Variants in LRRC37A observed in about 807,000 individuals in gnomAD.
The protein encoded by LRRC37A is leucine rich repeat containing 37A, also known as leucine-rich repeat-containing protein 37A.
A neutral mutation model predicts 35.4 loss-of-function variants in LRRC37A; 3 were observed. That is an observed-to-expected ratio of 0.08 (90% CI 0.04 to 0.22). The LOEUF is 0.22. Among genes scored for constraint, LRRC37A ranks in the 10% least tolerant of loss-of-function variants. The pLI, the probability that LRRC37A is intolerant of heterozygous loss-of-function variation, is 1.00. For synonymous variants in LRRC37A, 23 were observed against 215.0 expected (o/e 0.11, Z 7.81); for missense variants, 67 against 565.3 (o/e 0.12, Z 8.94).
intron 5 of LRRC37A, among the ~76,000 whole-genome samples, chr17:46,312,671 C>T (rs1221610837): frequency 1.3e-5 from 1 of 78,030 alleles, no homozygotes; most frequent in African/African-American, 5.4e-5. Flanking sequence ...AAGGGGTAGC[C>T]GACTTTGTAC....
chr17:46,283,709 C>G, the LRRC37A span, among the ~76,000 whole-genome samples: 21,703 of 151,688 alleles, frequency 0.14, 1,922 homozygotes, highest in Non-Finnish European at 0.22. Context: ...AAAGTACAGA[C>G]AAAGAAATAA....
chr17:46,267,280 C>A, the LRRC37A span: 1 of 1,144,338 alleles, frequency 8.7e-7, no homozygotes, highest in Non-Finnish European at 1.2e-6. Flanking sequence ...CGCCCAGGGA[C>A]TGGGAGAGGA....
the LRRC37A span, chr17:46,260,618 C>CTT: frequency 8.5e-7 from 1 of 1,181,916 alleles, no homozygotes; most frequent in Admixed American, 3.1e-5. Flanking sequence ...GCTCTCTATT[C>CTT]TCTTTTTTTT....
chr17:46,275,348 T>C, the LRRC37A span: 1 of 963,726 alleles, frequency 1.0e-6, no homozygotes, highest in Non-Finnish European at 1.5e-6. Context: ...ACAAGATTCT[T>C]GCTGTGTTTT....
the LRRC37A span, among the ~76,000 whole-genome samples, chr17:46,264,842 G>A: frequency 3.3e-5 from 5 of 152,352 alleles, no homozygotes; most frequent in Admixed American, 2.6e-4. Flanking sequence ...CAACATTCCT[G>A]CAACAGAAGA....
chr17:46,268,537 A>G, the LRRC37A span: 4 of 1,475,252 alleles, frequency 2.7e-6, no homozygotes, highest in African/African-American at 2.9e-5. Context: ...CACATCTACC[A>G]TAAGAGAGGG....
At chr17:46,268,877 G>A in the LRRC37A span, among the ~76,000 whole-genome samples, 1 of 152,240 alleles carries the variant, frequency 6.6e-6, no homozygotes, top group African/African-American at 2.4e-5. Flanking sequence ...TCTTAAATGG[G>A]CTGCTCCTGA....
chr17:46,265,940 T>C, the LRRC37A span, among the ~76,000 whole-genome samples: 1 of 152,204 alleles, frequency 6.6e-6, no homozygotes, highest in African/African-American at 2.4e-5. Context: ...CTGCTAAATA[T>C]ACAAAAATTA....
At chr17:46,258,738 A>C in the LRRC37A span, among the ~76,000 whole-genome samples, 1 of 120,186 alleles carries the variant, frequency 8.3e-6, no homozygotes, top group African/African-American at 3.3e-5. Context: ...TTTTTGAGAT[A>C]GAGTCTCACT....
the LRRC37A span, among the ~76,000 whole-genome samples, chr17:46,259,362 A>G: frequency 1.3e-5 from 2 of 152,204 alleles, no homozygotes; most frequent in African/African-American, 4.8e-5. Flanking sequence ...CCTCACCACA[A>G]CTTAAGCCAA....
At chr17:46,289,334 T>C (rs2050004132), upstream of LRRC37A, among the ~76,000 whole-genome samples, 1 of 152,168 alleles carries the variant, frequency 6.6e-6, no homozygotes, top group African/African-American at 2.4e-5. Context: ...CTCACCACCA[T>C]GCCCAGCTAC....
the LRRC37A span, among the ~76,000 whole-genome samples, chr17:46,282,276 G>C: frequency 1.3e-5 from 2 of 150,564 alleles, no homozygotes; most frequent in Admixed American, 1.3e-4. Context: ...CTAATTTTTT[G>C]TTATTTTTAG....
the LRRC37A span, chr17:46,275,126 A>C: frequency 8.2e-6 from 2 of 243,820 alleles, no homozygotes; most frequent in Non-Finnish European, 1.5e-5. Context: ...TCCCGACCTC[A>C]GATGATCCGC....
the LRRC37A span, among the ~76,000 whole-genome samples, chr17:46,253,341 C>G: frequency 6.6e-6 from 1 of 151,602 alleles, no homozygotes; most frequent in African/African-American, 2.4e-5. Flanking sequence ...ACTTCCCAGA[C>G]GGGGTGGCGG....
At chr17:46,288,590 G>A (rs1255574110), upstream of LRRC37A, among the ~76,000 whole-genome samples, 2 of 151,218 alleles carry the variant, frequency 1.3e-5, no homozygotes, top group Non-Finnish European at 2.9e-5. Flanking sequence ...GAGCCACAGG[G>A]CCCAGCCTCT....
upstream of LRRC37A, among the ~76,000 whole-genome samples, chr17:46,288,211 G>C (rs1338473619): frequency 6.6e-6 from 1 of 151,908 alleles, no homozygotes. Flanking sequence ...GCAGGATCAC[G>C]GCCCCCTGCA....
chr17:46,281,571 A>G, the LRRC37A span, among the ~76,000 whole-genome samples: 65,662 of 148,380 alleles, frequency 0.44, 10,428 homozygotes, highest in East Asian at 0.74. Context: ...CTAGGACTAC[A>G]GGTGCACGCC....
At chr17:46,276,375 C>T in the LRRC37A span, among the ~76,000 whole-genome samples, 4 of 152,184 alleles carry the variant, frequency 2.6e-5, no homozygotes, top group African/African-American at 7.2e-5. Context: ...CACTATACAT[C>T]GTTAACATTA....
the LRRC37A span, among the ~76,000 whole-genome samples, chr17:46,271,095 T>TG: frequency 6.6e-6 from 1 of 152,052 alleles, no homozygotes; most frequent in African/African-American, 2.4e-5. Flanking sequence ...AGTACTTCAT[T>TG]ATTTTATCCA....
Sources: allele counts gnomAD v4.1 joint callset (sites outside exome capture counted in the v4.1 genomes callset), GRCh38; gene constraint gnomAD v4.1.1; transcripts MANE v1.5; gene names NCBI Gene and HGNC (gene_info 2026-07-23, HGNC 2026-07-21).